The following NRIP3 variants were observed in gnomAD, a reference collection of about 807,000 sequenced individuals.
The protein encoded by NRIP3 is nuclear receptor-interacting protein 3.
In NRIP3, 31 loss-of-function variants were observed where a neutral mutation model predicts 29.0. That is an observed-to-expected ratio of 1.07 (90% confidence interval 0.80 to 1.44). The LOEUF (loss-of-function observed/expected upper bound fraction) is 1.44. Among genes scored for constraint, NRIP3 ranks in the 40% most tolerant of loss-of-function variants. The pLI is 0.00. For missense variants in NRIP3, 314 were observed against 297.9 expected (o/e 1.05, Z -0.40); for synonymous variants, 131 against 118.3 (o/e 1.11, Z -0.70).
rs1010187777 is a variant in NRIP3 at position 8,981,969 on chromosome 11, A to C, written c.*1576T>G. 7 of 152,222 alleles carry C rather than the reference A, an allele frequency of 4.6e-5. No homozygotes were observed. The highest frequency in any genetic ancestry group is 1.7e-4 in the African/African-American group (7 of 41,446). The allele number at this position is 152,222 out of a possible 1,614,324, so 9.4% of individuals were successfully genotyped here. A position where few individuals can be genotyped will look rare whatever the true frequency, so the allele number is the denominator to read the frequency against. On this transcript the variant is annotated 3_prime_UTR_variant, in exon 7 of 7. Coordinates refer to ENST00000309166, the MANE Select transcript of NRIP3 (RefSeq NM_020645.3). ...TTCCAAAGGGCTGTTCAGTAGGGGC[A>C]GTTGCTGAACACCAGACAAGGTAGT...
Position 8,985,750 on chromosome 11 carries a change from G to A in NRIP3, c.523C>T (p.Leu175=), listed in dbSNP as rs761453493. Residue 175 remains leucine, a synonymous_variant, in exon 4 of 7, where the codon CTG becomes TTG. Coordinates refer to ENST00000309166, the MANE Select transcript of NRIP3 (RefSeq NM_020645.3). ...GGGCAGTCCAGGCGGAGGGAGCCCA[G>A]TGTGATCACTAGGTGCTCAATCTGG... ...VGQIEHLVIT[L]GSLRLDCPAA... 3.1e-6 allele frequency: 5 copies of A among 1,614,076 alleles called. No homozygotes were observed. The highest frequency in any genetic ancestry group is 1.1e-5 in the South Asian group (1 of 91,086).
chr11:8,984,025 C>A (rs768844011), intron 5 of NRIP3, 47 bp downstream of exon 5: 1 of 1,601,572 alleles, frequency 6.2e-7, no homozygotes, highest in Non-Finnish European at 8.6e-7. Flanking sequence ...TAAGAGGATA[C>A]CTGCCTCAGA....
intron 1 of NRIP3, among the ~76,000 whole-genome samples, chr11:9,001,777 C>G (rs569065999): frequency 6.7e-6 from 1 of 149,632 alleles, no homozygotes; most frequent in South Asian, 2.1e-4. Flanking sequence ...CTAGCCCTAC[C>G]TCGGTCTGCC....
At chr11:9,003,630 G>T in intron 1 of NRIP3, 132 bp downstream of exon 1, 1 of 886,916 alleles carries the variant, frequency 1.1e-6, no homozygotes, top group Non-Finnish European at 1.6e-6. Context: ...AGGAATCCGC[G>T]ACGCAGCGAC....
Position 8,985,743 on chromosome 11 carries a change from G to A in NRIP3, c.530C>T (p.Ser177Phe). 6.2e-7 allele frequency: 1 copy of A among 1,614,120 alleles called. No homozygotes were observed. Among genetic ancestry groups the A allele is most frequent in the Non-Finnish European group, 8.5e-7 (1 of 1,180,036 alleles). The change falls in exon 4 of 7, where the codon TCC becomes TTC. Residue 177 changes from serine (S) to phenylalanine (F), a missense_variant. Transcript: ENST00000309166. ...AGCTGCTGGGCAGTCCAGGCGGAGG[G>A]AGCCCAGTGTGATCACTAGGTGCTC... Reference protein sequence around the residue: ...QIEHLVITLGSLRLDCPAAVV... With the variant: ...QIEHLVITLGFLRLDCPAAVV...
At chr11:9,001,434 A>C (rs1033813985) in intron 1 of NRIP3, among the ~76,000 whole-genome samples, 7 of 152,194 alleles carry the variant, frequency 4.6e-5, no homozygotes, top group African/African-American at 1.7e-4. Flanking sequence ...AACAACCTAC[A>C]ATCTTCACAA....
rs374509418 is a variant in NRIP3 at position 8,988,224 on chromosome 11, C to T, written c.233G>A (p.Ser78Asn). The T allele has an allele frequency of 6.2e-7, 1 of 1,614,182 alleles. No individual in the cohort carries two copies. The highest frequency in any genetic ancestry group is 8.5e-7 in the Non-Finnish European group (1 of 1,180,010). The change falls in exon 2 of 7, where the codon AGC becomes AAC. Residue 78 changes from serine to asparagine, a missense_variant. Coordinates refer to ENST00000309166, the MANE Select transcript of NRIP3 (RefSeq NM_020645.3). ...LMETNLSKLRSGPRVPWASKT... is the reference protein window; with the variant it reads ...LMETNLSKLRNGPRVPWASKT... Reference sequence around the variant, plus strand: ...AGAGGCCCAAGGGACACGGGGACCGCTTCGGAGCTTAGACAGGTTGGTTTC... The same window carrying T: ...AGAGGCCCAAGGGACACGGGGACCGTTTCGGAGCTTAGACAGGTTGGTTTC...
At chr11:8,999,713 C>T (rs1002991146) in intron 1 of NRIP3, among the ~76,000 whole-genome samples, 3 of 152,172 alleles carry the variant, frequency 2.0e-5, no homozygotes, top group Non-Finnish European at 4.4e-5. Flanking sequence ...TTATATCAAG[C>T]ACAGTGACAC....
At chr11:8,985,927 C>T (rs1206353131) in intron 3 of NRIP3, 77 bp from the exon 4 acceptor site, 3 of 1,519,058 alleles carry the variant, frequency 2.0e-6, no homozygotes, top group African/African-American at 2.8e-5. Context: ...ACCTTCTGAC[C>T]TACAATTGGA....
upstream of NRIP3, chr11:9,004,143 C>CCGCGTCCCGCGTCT (rs574274937): frequency 1.2e-5 from 5 of 406,090 alleles, no homozygotes; most frequent in South Asian, 1.1e-4. Context: ...GTCCCGCGTC[C>CCGCGTCCCGCGTCT]CCTGCTCACC....
In NRIP3 at chr11:8,981,790, C is replaced by G. The variant is rs1854420782; in HGVS notation, c.*1755G>C. 2 of 152,174 alleles carry G rather than the reference C, an allele frequency of 1.3e-5. No individual in the cohort carries two copies. Among genetic ancestry groups the G allele is most frequent in the African/African-American group, 4.8e-5 (2 of 41,428 alleles). The allele number at this position is 152,174 out of a possible 1,614,324, so 9.4% of individuals were successfully genotyped here. ...TCCCAACCATGGCTGTGCTTAGCTT[C>G]CTATCTAGCTTCTTTAGGTAGAGGC... On this transcript the variant is annotated 3_prime_UTR_variant, in exon 7 of 7. Coordinates refer to ENST00000309166, the MANE Select transcript of NRIP3 (RefSeq NM_020645.3).
intron 6 of NRIP3, 100 bp from the exon 7 acceptor site, chr11:8,983,660 A>C: frequency 8.8e-7 from 1 of 1,134,100 alleles, no homozygotes; most frequent in East Asian, 2.4e-5. Flanking sequence ...TCATTTCCCT[A>C]CCACTCTGTG....
intron 4 of NRIP3, among the ~76,000 whole-genome samples, chr11:8,985,391 G>A (rs11042147): frequency 4.1e-4 from 60 of 147,840 alleles, no homozygotes; most frequent in Admixed American, 1.1e-3. Context: ...GGATGGTCTC[G>A]ATCTCCTGAC....
In NRIP3 at chr11:9,003,922, C is replaced by T; in HGVS notation, c.14G>A (p.Gly5Glu). Residue 5 changes from glycine to glutamate, a missense_variant, in exon 1 of 7, where the codon GGG (glycine) becomes GAG (glutamate). Gly to Glu is a moderately conservative substitution (Grantham distance 98, BLOSUM62 -2). Transcript: ENST00000309166. The part of the protein sequence containing the change: MFYS[G>E]LLTEGGRKET... ...CTTGCGGCCGCCCTCAGTGAGGAGC[C>T]CTGAGTAAAACATCGCTGAGGCGCC... The T allele has an allele frequency of 2.0e-6, 3 of 1,507,120 alleles. No homozygotes were observed. Among genetic ancestry groups the T allele is most frequent in the Non-Finnish European group, 2.7e-6 (3 of 1,128,148 alleles). The allele number at this position is 1,507,120 out of a possible 1,614,324, so 93.4% of individuals were successfully genotyped here. A position where few individuals can be genotyped will look rare whatever the true frequency, so the allele number is the denominator to read the frequency against.
intron 3 of NRIP3, among the ~76,000 whole-genome samples, 194 bp from the exon 4 acceptor site, chr11:8,986,044 A>G (rs1756425863): frequency 6.6e-6 from 1 of 152,056 alleles, no homozygotes; most frequent in South Asian, 2.1e-4. Flanking sequence ...TAAAAACACT[A>G]AAGACTCATC....
At chr11:8,984,416 C>G (rs1854477033) in intron 4 of NRIP3, among the ~76,000 whole-genome samples, 1 of 152,276 alleles carries the variant, frequency 6.6e-6, no homozygotes, top group Admixed American at 6.5e-5. Flanking sequence ...GCACCCACCA[C>G]CACGCTTGGC....
At chr11:9,001,704 G>A (rs1348345636) in intron 1 of NRIP3, among the ~76,000 whole-genome samples, 1 of 152,208 alleles carries the variant, frequency 6.6e-6, no homozygotes, top group African/African-American at 2.4e-5. Context: ...ATTGTACTAA[G>A]GCTGCAACAA....
intron 1 of NRIP3, among the ~76,000 whole-genome samples, chr11:8,992,847 G>C (rs1854631081): frequency 6.6e-6 from 1 of 152,128 alleles, no homozygotes; most frequent in Non-Finnish European, 1.5e-5. Flanking sequence ...TCACCGTGGA[G>C]GTGGCATTGA....
chr11:8,984,021 G>T, intron 5 of NRIP3, 51 bp downstream of exon 5: 1 of 1,602,468 alleles, frequency 6.2e-7, no homozygotes, highest in Non-Finnish European at 8.6e-7. Flanking sequence ...TGTGTAAGAG[G>T]ATACCTGCCT....
Sources: allele counts gnomAD v4.1 joint callset (sites outside exome capture counted in the v4.1 genomes callset), GRCh38; gene constraint gnomAD v4.1.1; transcripts MANE v1.5; gene names NCBI Gene and HGNC (gene_info 2026-07-23, HGNC 2026-07-21).